The following LRRC69 variants were observed in gnomAD, a reference collection of about 807,000 sequenced individuals.
The protein encoded by LRRC69 is leucine-rich repeat-containing protein 69.
Under a neutral mutation model 37.8 loss-of-function variants are expected in LRRC69, and 42 were observed. That is an observed-to-expected ratio of 1.11 (90% CI 0.87 to 1.44). LRRC69 has a LOEUF of 1.44. LRRC69 is among the 40% of genes most tolerant of loss of function. The probability of loss-of-function intolerance (pLI) is 0.00; values close to 1 mark genes in which losing one functional copy is unlikely to be tolerated. For missense variants in LRRC69, 357 were observed against 401.9 expected (o/e 0.89, Z 0.96); for synonymous variants, 141 against 143.1 (o/e 0.99, Z 0.11).
At chr8:91,183,902 C>T (rs571193724) in intron 5 of LRRC69, among the ~76,000 whole-genome samples, 6 of 152,116 alleles carry the variant, frequency 3.9e-5, no homozygotes, top group African/African-American at 7.2e-5. Flanking sequence ...ATATGTGAAA[C>T]GAGAAGGTTG....
At chr8:91,148,805 G>C (rs1808671913) in intron 5 of LRRC69, among the ~76,000 whole-genome samples, 1 of 151,916 alleles carries the variant, frequency 6.6e-6, no homozygotes, top group African/African-American at 2.4e-5. Flanking sequence ...TCTCATTGTG[G>C]TTTTGATTTG....
chr8:91,109,201 A>G (rs1813370427), intron 1 of LRRC69, among the ~76,000 whole-genome samples: 1 of 152,042 alleles, frequency 6.6e-6, no homozygotes, highest in African/African-American at 2.4e-5. Context: ...ATGCCAAGGC[A>G]TATATTAAGG....
intron 5 of LRRC69, among the ~76,000 whole-genome samples, chr8:91,168,725 T>C (rs556622821): frequency 6.8e-5 from 6 of 88,010 alleles, no homozygotes; most frequent in South Asian, 4.1e-4. Flanking sequence ...GTCTGTTTTT[T>C]TGTGTTTTGT....
chr8:91,175,510 G>A (rs7010715), intron 5 of LRRC69, among the ~76,000 whole-genome samples: 102,803 of 151,890 alleles, frequency 0.68, 35,270 homozygotes, highest in African/African-American at 0.74. Context: ...CCTGAAGAGT[G>A]TATGATTAGG....
intron 7 of LRRC69, among the ~76,000 whole-genome samples, chr8:91,211,710 G>GCTGA (rs1809928325): frequency 6.6e-6 from 1 of 150,446 alleles, no homozygotes; most frequent in East Asian, 1.9e-4. Context: ...CTTAGAGACT[G>GCTGA]CTGACCTTTA....
intron 5 of LRRC69, among the ~76,000 whole-genome samples, chr8:91,151,905 G>C (rs1406687443): frequency 2.0e-5 from 3 of 151,512 alleles, no homozygotes; most frequent in Non-Finnish European, 2.9e-5. Flanking sequence ...GTGATGTTGA[G>C]CTTTTTTTTT....
intron 5 of LRRC69, among the ~76,000 whole-genome samples, chr8:91,179,299 G>A (rs192818489): frequency 3.3e-5 from 5 of 152,250 alleles, no homozygotes; most frequent in African/African-American, 7.2e-5. Context: ...AAGGGGGAGC[G>A]GGTTGTCTCA....
At chr8:91,195,734 G>A (rs1485587649) in intron 6 of LRRC69, among the ~76,000 whole-genome samples, 1 of 152,074 alleles carries the variant, frequency 6.6e-6, no homozygotes, top group Non-Finnish European at 1.5e-5. Flanking sequence ...GAGCCTATGT[G>A]TGTCTCTGCA....
At chr8:91,204,870 GACA>G (rs1240995748) in intron 7 of LRRC69, among the ~76,000 whole-genome samples, 1 of 152,134 alleles carries the variant, frequency 6.6e-6, no homozygotes, top group Non-Finnish European at 1.5e-5. Context: ...GTTCAACAAG[GACA>G]ACTTTTTTTC....
intron 6 of LRRC69, among the ~76,000 whole-genome samples, chr8:91,195,329 G>T (rs1279837524): frequency 6.6e-6 from 1 of 151,460 alleles, no homozygotes; most frequent in Non-Finnish European, 1.5e-5. Flanking sequence ...TGTTGATTTG[G>T]GGTGGAGAGT....
chr8:91,103,786 C>T (rs1378596372), intron 1 of LRRC69, among the ~76,000 whole-genome samples: 1 of 151,976 alleles, frequency 6.6e-6, no homozygotes, highest in Non-Finnish European at 1.5e-5. Flanking sequence ...AGAAGGTATA[C>T]TTGTAGTTAC....
chr8:91,133,145 A>G, exon 4 of LRRC69: 1 of 1,525,060 alleles, frequency 6.6e-7, no homozygotes, highest in African/African-American at 1.4e-5. Context: ...ATAAATTATA[A>G]CCAACTAGCC....
chr8:91,132,625 C>T (rs528161166), intron 3 of LRRC69, among the ~76,000 whole-genome samples: 2 of 152,050 alleles, frequency 1.3e-5, no homozygotes, highest in South Asian at 4.1e-4. Flanking sequence ...ATCTCCTAAA[C>T]CAGGGCATCC....
At chr8:91,153,645 C>T (rs1055810485) in intron 5 of LRRC69, among the ~76,000 whole-genome samples, 6 of 151,532 alleles carry the variant, frequency 4.0e-5, no homozygotes, top group African/African-American at 1.5e-4. Context: ...AGGCAGAAAT[C>T]AAAATGTTCT....
At position 91,158,646 on chromosome 8, in the gene LRRC69, A is replaced by G. The variant is rs1808882325; in HGVS notation, c.651+22907A>G. 3 of 1,395,554 alleles carry G rather than the reference A, an allele frequency of 2.1e-6. No homozygotes were observed. The East Asian group carries it at 6.9e-5, about 32-fold the overall frequency. The allele number at this position is 1,395,554 out of a possible 1,614,324, so 86.4% of individuals were successfully genotyped here. ...ATACCAAACCCTAGAAATGTTTCCA[A>G]GAACACCTGGAATTTGGTTACTCCA... On this transcript the variant is annotated intron_variant, in intron 5 of 7. Transcript: ENST00000448384.
intron 6 of LRRC69, among the ~76,000 whole-genome samples, chr8:91,191,734 C>CTG (rs1177127580): frequency 1.3e-5 from 2 of 152,088 alleles, no homozygotes; most frequent in Non-Finnish European, 2.9e-5. Flanking sequence ...TGGTAGCTGT[C>CTG]TTACAGAGAG....
At chr8:91,162,678 T>C (rs1333273679) in intron 5 of LRRC69, among the ~76,000 whole-genome samples, 1 of 151,338 alleles carries the variant, frequency 6.6e-6, no homozygotes, top group African/African-American at 2.4e-5. Flanking sequence ...AGGCAGAATA[T>C]AGTTGGGTCT....
intron 5 of LRRC69, 27 bp from the exon 6 acceptor site, chr8:91,189,479 CATTATTTTGTTGTGCA>C: frequency 8.0e-7 from 1 of 1,254,938 alleles, no homozygotes; most frequent in Non-Finnish European, 1.1e-6. Context: ...GAGGTAGTTT[CATTATTTTGTTGTGCA>C]ATAAGGTTTT....
rs1249030578 is a variant in LRRC69 at position 91,150,871 on chromosome 8, A to C, written c.651+15132A>C. Reference sequence around the variant, plus strand: ...CTTCTAGACTTTCTAGTTTGTTTGCATAGAGGTGTTTATAGTATTCTCTGA... The same window carrying C: ...CTTCTAGACTTTCTAGTTTGTTTGCCTAGAGGTGTTTATAGTATTCTCTGA... On this transcript the variant is annotated intron_variant, in intron 5 of 7. Coordinates refer to ENST00000448384, the Ensembl canonical transcript of LRRC69. 4.6e-5 allele frequency among the ~76,000 whole-genome samples: 7 copies of C among 152,054 alleles called. No individual in the cohort carries two copies. In the East Asian group the frequency reaches 1.3e-3, roughly 29 times the overall value.
Sources: allele counts gnomAD v4.1 joint callset (sites outside exome capture counted in the v4.1 genomes callset), GRCh38; gene constraint gnomAD v4.1.1; transcripts MANE v1.5; gene names NCBI Gene and HGNC (gene_info 2026-07-23, HGNC 2026-07-21).